Variants in RGP1 observed in about 807,000 individuals in gnomAD.
RGP1 encodes the protein RAB6A-GEF complex partner protein 2.
Under a neutral mutation model 44.5 loss-of-function variants are expected in RGP1, and 28 were observed. The ratio of observed to expected loss-of-function variants is 0.63; its 90% CI spans 0.47 to 0.86. RGP1 has a LOEUF of 0.86. Ranked by LOEUF, RGP1 falls within the 40% of genes least tolerant of loss-of-function variation. The pLI, the probability that RGP1 is intolerant of heterozygous loss-of-function variation, is 0.00. For synonymous variants in RGP1, 212 were observed against 196.7 expected (o/e 1.08, Z -0.65); for missense variants, 417 against 490.7 (o/e 0.85, Z 1.42).
the RGP1 span, among the ~76,000 whole-genome samples, chr9:35,764,661 A>T: frequency 6.6e-6 from 1 of 152,018 alleles, no homozygotes; most frequent in Non-Finnish European, 1.5e-5. Context: ...AAATTTCCTT[A>T]TTACCCTTTG....
chr9:35,785,318 C>G, the RGP1 span, among the ~76,000 whole-genome samples: 1 of 151,858 alleles, frequency 6.6e-6, no homozygotes, highest in Non-Finnish European at 1.5e-5. Context: ...AAGGCTGCTG[C>G]GCAGAGGTTC....
the RGP1 span, among the ~76,000 whole-genome samples, chr9:35,778,865 A>C: frequency 6.6e-6 from 1 of 152,244 alleles, no homozygotes; most frequent in African/African-American, 2.4e-5. Context: ...AAAAGAGAGT[A>C]TACATGGCTT....
At chr9:35,750,406 AG>A (rs763715331) in intron 3 of RGP1, 27 bp downstream of exon 3, 56 of 1,611,904 alleles carry the variant, frequency 3.5e-5, no homozygotes, top group Non-Finnish European at 4.3e-5. Context: ...TGCCTGGGAG[AG>A]GGGGGGTGCG....
chr9:35,780,902 C>T, the RGP1 span, among the ~76,000 whole-genome samples: 759 of 151,838 alleles, frequency 5.0e-3, 6 homozygotes, highest in African/African-American at 0.017. Flanking sequence ...CAAAATATGA[C>T]CAAATAAATA....
chr9:35,779,391 T>C, the RGP1 span, among the ~76,000 whole-genome samples: 3 of 152,260 alleles, frequency 2.0e-5, no homozygotes, highest in Non-Finnish European at 4.4e-5. Flanking sequence ...ATTCCTTGGT[T>C]AAACTATCTG....
chr9:35,752,209 G>A (rs1408961986), intron 8 of RGP1, 64 bp downstream of exon 8: 20 of 1,424,164 alleles, frequency 1.4e-5, no homozygotes, highest in African/African-American at 2.9e-5. Context: ...CTAAGGGAGG[G>A]TGTAATGGAT....
downstream of RGP1, among the ~76,000 whole-genome samples, chr9:35,762,452 A>T (rs1273904249): frequency 6.6e-6 from 1 of 152,196 alleles, no homozygotes; most frequent in Admixed American, 6.5e-5. Flanking sequence ...CCGTTTGCAC[A>T]AGGGTCGGAT....
chr9:35,765,656 CAA>C, the RGP1 span, among the ~76,000 whole-genome samples: 21 of 110,082 alleles, frequency 1.9e-4, no homozygotes, highest in Non-Finnish European at 2.2e-4. Context: ...GACCCTGTCT[CAA>C]AAAAAAAAAA....
At chr9:35,789,023 CCTTT>C in the RGP1 span, among the ~76,000 whole-genome samples, 5 of 152,000 alleles carry the variant, frequency 3.3e-5, no homozygotes, top group East Asian at 7.7e-4. Context: ...GTTTTCTTTT[CCTTT>C]CTTTCTTTCT....
the RGP1 span, among the ~76,000 whole-genome samples, chr9:35,786,098 T>C: frequency 2.6e-5 from 4 of 152,262 alleles, no homozygotes; most frequent in Non-Finnish European, 4.4e-5. Context: ...CTTTGGCTTC[T>C]GTAGAAAATT....
chr9:35,774,581 G>A, the RGP1 span, among the ~76,000 whole-genome samples: 1 of 152,084 alleles, frequency 6.6e-6, no homozygotes, highest in African/African-American at 2.4e-5. Context: ...CAAAATAGCC[G>A]GGCGTGTTGG....
Position 35,751,771 on chromosome 9 carries a change from G to A in RGP1, c.762+17G>A, listed in dbSNP as rs773899906. On this transcript the variant is annotated intron_variant, in intron 7 of 8. Coordinates refer to ENST00000378078, the MANE Select transcript of RGP1 (RefSeq NM_001080496.3). ...TGTTTGCAGGTAAGAAGGGAGCAGA[G>A]CTTCTTACCTGCTGGGGTGCTGGGG... The A allele has an allele frequency of 6.2e-7, 1 of 1,613,824 alleles. No individual in the cohort carries two copies. Among genetic ancestry groups the A allele is most frequent in the Non-Finnish European group, 8.5e-7 (1 of 1,179,830 alleles).
the RGP1 span, among the ~76,000 whole-genome samples, chr9:35,763,630 C>T: frequency 6.6e-6 from 1 of 152,048 alleles, no homozygotes; most frequent in South Asian, 2.1e-4. Flanking sequence ...GCCTGTAATC[C>T]CAGCACTTTG....
At chr9:35,772,506 A>C in the RGP1 span, 2 of 152,182 alleles carry the variant, frequency 1.3e-5, no homozygotes, top group African/African-American at 2.4e-5. Flanking sequence ...AAAATTTTAT[A>C]CTAGAGGCCA....
At chr9:35,765,824 C>CTTCT in the RGP1 span, among the ~76,000 whole-genome samples, 3 of 150,574 alleles carry the variant, frequency 2.0e-5, no homozygotes, top group Non-Finnish European at 3.0e-5. Context: ...TTGTCAGTTT[C>CTTCT]TTCTTTCTTT....
the RGP1 span, among the ~76,000 whole-genome samples, chr9:35,771,627 G>T: frequency 1.3e-5 from 2 of 152,122 alleles, no homozygotes; most frequent in East Asian, 3.8e-4. Flanking sequence ...AAGCTTAAGG[G>T]GAGAAATCTG....
At chr9:35,778,687 C>T in the RGP1 span, among the ~76,000 whole-genome samples, 1 of 152,200 alleles carries the variant, frequency 6.6e-6, no homozygotes, top group Non-Finnish European at 1.5e-5. Context: ...TACCCACTCC[C>T]TCCTCTCGAA....
the RGP1 span, among the ~76,000 whole-genome samples, chr9:35,768,176 C>G: frequency 1.3e-5 from 2 of 151,744 alleles, no homozygotes; most frequent in African/African-American, 4.8e-5. Context: ...ATCCTCCCAC[C>G]TCACCCTCCC....
chr9:35,773,135 C>A, the RGP1 span, among the ~76,000 whole-genome samples: 2 of 151,888 alleles, frequency 1.3e-5, no homozygotes, highest in Non-Finnish European at 2.9e-5. Context: ...ACACCTGTTA[C>A]CCCAGCACTT....
Sources: allele counts gnomAD v4.1 joint callset (sites outside exome capture counted in the v4.1 genomes callset), GRCh38; gene constraint gnomAD v4.1.1; transcripts MANE v1.5; gene names NCBI Gene and HGNC (gene_info 2026-07-23, HGNC 2026-07-21).